FBXO4: variants seen among roughly 807,000 people sequenced by gnomAD.
FBXO4 encodes F-box protein 4, also known as F-box only protein 4.
A neutral mutation model predicts 43.7 loss-of-function variants in FBXO4; 36 were observed. The ratio of observed to expected loss-of-function variants is 0.82; its 90% CI spans 0.63 to 1.09. The LOEUF (loss-of-function observed/expected upper bound fraction) is 1.09. FBXO4 is among the 50% of genes least tolerant of loss of function. The pLI is 0.00. For synonymous variants in FBXO4, 180 were observed against 165.6 expected (o/e 1.09, Z -0.67); for missense variants, 435 against 474.1 (o/e 0.92, Z 0.77).
the FBXO4 span, among the ~76,000 whole-genome samples, chr5:41,995,301 G>A: frequency 6.6e-6 from 1 of 152,204 alleles, no homozygotes; most frequent in Non-Finnish European, 1.5e-5. Flanking sequence ...CCCATCCCTG[G>A]AGTAAGTGTT....
intron 2 of FBXO4, chr5:41,928,670 T>TG (rs1163444881): frequency 6.6e-6 from 1 of 152,468 alleles, no homozygotes; most frequent in Non-Finnish European, 1.5e-5. Context: ...ATAATACAGA[T>TG]GAAGAAACTG....
At chr5:41,949,852 G>T in the FBXO4 span, among the ~76,000 whole-genome samples, 1 of 152,100 alleles carries the variant, frequency 6.6e-6, no homozygotes, top group Non-Finnish European at 1.5e-5. Flanking sequence ...GCATGGTACT[G>T]GTACCAAAAC....
chr5:41,982,206 A>G, the FBXO4 span, among the ~76,000 whole-genome samples: 1 of 152,116 alleles, frequency 6.6e-6, no homozygotes, highest in Non-Finnish European at 1.5e-5. Context: ...GCTGCAATAA[A>G]CATACGTGTT....
the FBXO4 span, among the ~76,000 whole-genome samples, chr5:41,960,277 A>C: frequency 2.0e-5 from 3 of 152,108 alleles, no homozygotes; most frequent in African/African-American, 7.2e-5. Context: ...AGGGTTTTCT[A>C]TATATAATGT....
At chr5:41,957,358 T>G in the FBXO4 span, among the ~76,000 whole-genome samples, 1 of 150,158 alleles carries the variant, frequency 6.7e-6, no homozygotes, top group Admixed American at 6.6e-5. Flanking sequence ...CACTGATTCC[T>G]TCCTCTGATT....
the FBXO4 span, among the ~76,000 whole-genome samples, chr5:41,987,379 C>T: frequency 6.6e-6 from 1 of 152,080 alleles, no homozygotes; most frequent in African/African-American, 2.4e-5. Context: ...AATAATTTTT[C>T]AAAGGATATG....
the FBXO4 span, among the ~76,000 whole-genome samples, chr5:42,036,423 C>T: frequency 6.6e-6 from 1 of 152,126 alleles, no homozygotes; most frequent in African/African-American, 2.4e-5. Flanking sequence ...GAAAACAGCA[C>T]ATAGACCACA....
chr5:41,999,465 G>GTA, the FBXO4 span, among the ~76,000 whole-genome samples: 9 of 65,294 alleles, frequency 1.4e-4, no homozygotes, highest in Admixed American at 6.2e-4. Flanking sequence ...GTGTGTGTGT[G>GTA]TATATATATA....
chr5:42,010,685 C>A, the FBXO4 span, among the ~76,000 whole-genome samples: 1 of 151,934 alleles, frequency 6.6e-6, no homozygotes, highest in Admixed American at 6.6e-5. Context: ...TGTTTGAGTT[C>A]TTTTCAATTA....
At chr5:41,934,963 C>G (rs1211115544) in intron 5 of FBXO4, 5 of 977,558 alleles carry the variant, frequency 5.1e-6, no homozygotes, top group Non-Finnish European at 6.1e-6. Context: ...TTATAGTTCT[C>G]TAATACACTG....
chr5:42,014,542 T>C, the FBXO4 span, among the ~76,000 whole-genome samples: 3 of 152,180 alleles, frequency 2.0e-5, no homozygotes, highest in African/African-American at 7.2e-5. Flanking sequence ...AGTCCTGCCA[T>C]TTGCCAATAC....
At chr5:42,002,309 AAT>A in the FBXO4 span, among the ~76,000 whole-genome samples, 17 of 152,314 alleles carry the variant, frequency 1.1e-4, no homozygotes, top group South Asian at 3.1e-3. Context: ...GCAAGGCTTA[AAT>A]AAGTGCCTGC....
chr5:41,940,070 C>T (rs1390975891), intron 6 of FBXO4, among the ~76,000 whole-genome samples: 4 of 151,476 alleles, frequency 2.6e-5, no homozygotes, highest in African/African-American at 4.9e-5. Flanking sequence ...AGGCTGATCT[C>T]GAACTCCTAG....
the FBXO4 span, among the ~76,000 whole-genome samples, chr5:42,015,669 G>C: frequency 6.6e-6 from 1 of 151,940 alleles, no homozygotes; most frequent in African/African-American, 2.4e-5. Flanking sequence ...TTTCTGCTCT[G>C]GTGGGGGAAT....
chr5:41,954,248 A>C, the FBXO4 span, among the ~76,000 whole-genome samples: 6 of 152,218 alleles, frequency 3.9e-5, no homozygotes, highest in South Asian at 4.1e-4. Context: ...TTTAAAACTT[A>C]CATTATTATT....
the FBXO4 span, among the ~76,000 whole-genome samples, chr5:42,022,459 A>G: frequency 6.6e-6 from 1 of 152,136 alleles, no homozygotes; most frequent in Non-Finnish European, 1.5e-5. Flanking sequence ...GCCAGAAAAT[A>G]TTCAATTTGC....
chr5:41,999,549 A>G, the FBXO4 span, among the ~76,000 whole-genome samples: 521 of 130,962 alleles, frequency 4.0e-3, 11 homozygotes, highest in African/African-American at 0.014. Flanking sequence ...ATATATGTAT[A>G]TATATATATA....
chr5:42,005,034 G>C, the FBXO4 span, among the ~76,000 whole-genome samples: 1 of 152,108 alleles, frequency 6.6e-6, no homozygotes, highest in Non-Finnish European at 1.5e-5. Flanking sequence ...CTTGCTGCAG[G>C]GGGGTGGGTA....
chr5:41,993,392 T>A, the FBXO4 span, among the ~76,000 whole-genome samples: 2 of 152,084 alleles, frequency 1.3e-5, no homozygotes, highest in African/African-American at 4.8e-5. Context: ...CTTTGTGGAA[T>A]GATTACTGAA....
Sources: allele counts gnomAD v4.1 joint callset (sites outside exome capture counted in the v4.1 genomes callset), GRCh38; gene constraint gnomAD v4.1.1; transcripts MANE v1.5; gene names NCBI Gene and HGNC (gene_info 2026-07-23, HGNC 2026-07-21).